Variants in MAGI1 observed in about 807,000 individuals in gnomAD.
MAGI1 encodes membrane-associated guanylate kinase, WW and PDZ domain-containing protein 1.
In MAGI1, 58 loss-of-function variants were observed where a neutral mutation model predicts 139.9. The ratio of observed to expected loss-of-function variants is 0.41; its 90% CI spans 0.34 to 0.52. MAGI1 has a LOEUF of 0.52. Among genes scored for constraint, MAGI1 ranks in the 20% least tolerant of loss-of-function variants. MAGI1 has a pLI of 0.12. For synonymous variants in MAGI1, 812 were observed against 737.9 expected (o/e 1.10, Z -1.63); for missense variants, 1,874 against 1,901.6 (o/e 0.99, Z 0.27).
At position 65,810,810 on chromosome 3, in the gene MAGI1, C is replaced by T. The variant is rs570289146; in HGVS notation, c.314-188722G>A. ...TTTAGGTCCCTTCATGGTGCACACA[C>T]ACCTCGTAATTGACTTTGTTTTGTT... On this transcript the variant is annotated intron_variant, in intron 1 of 22. Coordinates refer to ENST00000402939, the MANE Select transcript of MAGI1 (RefSeq NM_001033057.2). 3.3e-5 allele frequency among the ~76,000 whole-genome samples: 5 copies of T among 152,344 alleles called. No individual in the cohort carries two copies. In the East Asian group the frequency reaches 9.6e-4, roughly 29 times the overall value.
intron 1 of MAGI1, among the ~76,000 whole-genome samples, chr3:65,685,537 T>G (rs574877372): frequency 2.6e-5 from 4 of 152,338 alleles, no homozygotes; most frequent in Admixed American, 2.6e-4. Flanking sequence ...TTACACACAA[T>G]GTCAAAGAAC....
At chr3:65,637,255 A>T (rs1442411272) in intron 1 of MAGI1, among the ~76,000 whole-genome samples, 2 of 151,568 alleles carry the variant, frequency 1.3e-5, no homozygotes, top group African/African-American at 4.8e-5. Context: ...AGCATATTAG[A>T]AAAAAAAATA....
At chr3:65,536,373 C>T (rs1344957536) in intron 2 of MAGI1, among the ~76,000 whole-genome samples, 4 of 152,158 alleles carry the variant, frequency 2.6e-5, no homozygotes, top group African/African-American at 7.2e-5. Flanking sequence ...GACCTGGATA[C>T]ATACATATCT....
intron 5 of MAGI1, among the ~76,000 whole-genome samples, chr3:65,460,868 G>A (rs1949734170): frequency 6.6e-6 from 1 of 152,108 alleles, no homozygotes; most frequent in African/African-American, 2.4e-5. Context: ...TCCCTGCAAA[G>A]GACATGAACT....
intron 1 of MAGI1, among the ~76,000 whole-genome samples, chr3:65,890,192 G>A (rs1007778935): frequency 7.9e-5 from 12 of 152,126 alleles, no homozygotes; most frequent in South Asian, 2.1e-4. Context: ...GTGAAACCCC[G>A]TCTCTACTAA....
intron 2 of MAGI1, among the ~76,000 whole-genome samples, chr3:65,586,111 G>C (rs1212482704): frequency 6.6e-6 from 1 of 151,988 alleles, no homozygotes; most frequent in African/African-American, 2.4e-5. Flanking sequence ...TTGGATGACT[G>C]TGGTGAGGGT....
At chr3:65,481,396 TTCTCATTAACTGAAGAC>T (rs1392116982) in intron 3 of MAGI1, among the ~76,000 whole-genome samples, 1 of 152,216 alleles carries the variant, frequency 6.6e-6, no homozygotes, top group East Asian at 1.9e-4. Context: ...ACTGTTAACT[TTCTCATTAACTGAAGAC>T]TCTTTAGTGA....
At chr3:66,025,061 AAT>A (rs1485275063) in intron 1 of MAGI1, among the ~76,000 whole-genome samples, 1 of 152,246 alleles carries the variant, frequency 6.6e-6, no homozygotes, top group Admixed American at 6.5e-5. Context: ...ATCCAAAGAA[AAT>A]ATCTGAAGAT....
At chr3:65,491,055 T>C (rs2107660627) in intron 3 of MAGI1, among the ~76,000 whole-genome samples, 1 of 152,240 alleles carries the variant, frequency 6.6e-6, no homozygotes, top group South Asian at 2.1e-4. Flanking sequence ...AGACATTTTC[T>C]GAAAACCATT....
At chr3:65,695,323 C>T (rs2089067490) in intron 1 of MAGI1, among the ~76,000 whole-genome samples, 1 of 152,088 alleles carries the variant, frequency 6.6e-6, no homozygotes, top group Non-Finnish European at 1.5e-5. Context: ...TAGATGTGGC[C>T]AATCTTGTCC....
intron 1 of MAGI1, among the ~76,000 whole-genome samples, chr3:65,664,241 G>C (rs1042500359): frequency 9.2e-5 from 14 of 152,050 alleles, no homozygotes; most frequent in Admixed American, 4.6e-4. Context: ...CAAAACAAGA[G>C]ATCCAGAAAA....
chr3:65,713,482 C>T (rs1449341510), intron 1 of MAGI1, among the ~76,000 whole-genome samples: 2 of 151,846 alleles, frequency 1.3e-5, no homozygotes, highest in African/African-American at 4.8e-5. Flanking sequence ...TTACAAAGTC[C>T]CTTCCAATAT....
intron 17 of MAGI1, among the ~76,000 whole-genome samples, chr3:65,378,991 A>G (rs928484706): frequency 6.6e-6 from 1 of 152,046 alleles, no homozygotes; most frequent in Non-Finnish European, 1.5e-5. Context: ...TGCTATTCAA[A>G]TTTCACGCAA....
intron 1 of MAGI1, among the ~76,000 whole-genome samples, chr3:65,757,375 T>G (rs1000290885): frequency 2.0e-5 from 3 of 152,352 alleles, no homozygotes; most frequent in East Asian, 3.9e-4. Context: ...CCGGGTATGG[T>G]GGCTCACGCC....
At chr3:65,609,304 G>A (rs2082915905) in intron 2 of MAGI1, among the ~76,000 whole-genome samples, 1 of 150,342 alleles carries the variant, frequency 6.7e-6, no homozygotes, top group Non-Finnish European at 1.5e-5. Context: ...TTGAGATGGA[G>A]TCTTGCTCTG....
chr3:66,025,992 T>C (rs760469444), intron 1 of MAGI1, among the ~76,000 whole-genome samples: 29 of 151,922 alleles, frequency 1.9e-4, no homozygotes, highest in Non-Finnish European at 3.8e-4. Flanking sequence ...ACGCTTTTTA[T>C]AAAATAAAAT....
intron 1 of MAGI1, among the ~76,000 whole-genome samples, chr3:65,819,945 T>G (rs1270104543): frequency 7.0e-6 from 1 of 142,672 alleles, no homozygotes; most frequent in East Asian, 2.2e-4. Context: ...AACTATCAAT[T>G]CAGAAATTGC....
At chr3:65,421,342 G>C (rs1223016300) in intron 12 of MAGI1, among the ~76,000 whole-genome samples, 1 of 152,156 alleles carries the variant, frequency 6.6e-6, no homozygotes, top group African/African-American at 2.4e-5. Context: ...ATTTTAACTT[G>C]AACAACTTTT....
At chr3:65,878,110 C>CAA in intron 1 of MAGI1, among the ~76,000 whole-genome samples, 1 of 144,806 alleles carries the variant, frequency 6.9e-6, no homozygotes, top group African/African-American at 2.5e-5. Context: ...GGTTCTGTCT[C>CAA]AAAAAAAAAA....
Sources: gnomAD v4.1 joint callset for allele counts (sites outside exome capture counted in the v4.1 genomes callset) on GRCh38, gnomAD v4.1.1 for gene constraint, MANE v1.5 for transcripts, NCBI Gene and HGNC (gene_info 2026-07-23, HGNC 2026-07-21) for gene names.